KIRREL3: variants seen among roughly 807,000 people sequenced by gnomAD.
KIRREL3 encodes the protein kirre like nephrin family adhesion molecule 3, also known as kin of IRRE-like protein 3.
Under a neutral mutation model 89.7 loss-of-function variants are expected in KIRREL3, and 36 were observed. The ratio of observed to expected loss-of-function variants is 0.40; its 90% CI spans 0.31 to 0.53. The LOEUF (loss-of-function observed/expected upper bound fraction) is 0.53, where lower values mean the gene tolerates loss of function less well. KIRREL3 is among the 20% of genes least tolerant of loss of function. The pLI, the probability that KIRREL3 is intolerant of heterozygous loss-of-function variation, is 0.49. For missense variants in KIRREL3, 864 were observed against 1,056.6 expected (o/e 0.82, Z 2.53); for synonymous variants, 445 against 441.4 (o/e 1.01, Z -0.10).
At chr11:126,494,872 C>T (rs1355678130) in intron 4 of KIRREL3, among the ~76,000 whole-genome samples, 1 of 152,238 alleles carries the variant, frequency 6.6e-6, no homozygotes, top group African/African-American at 2.4e-5. Context: ...CGAGCTCATC[C>T]ATCGGGACCC....
chr11:126,820,687 G>C (rs1415698932), intron 1 of KIRREL3, among the ~76,000 whole-genome samples: 3 of 152,036 alleles, frequency 2.0e-5, no homozygotes, highest in Non-Finnish European at 4.4e-5. Context: ...TGGGAGATAG[G>C]ACAAGGCACA....
chr11:126,524,990 C>G (rs149024109), intron 3 of KIRREL3, among the ~76,000 whole-genome samples: 1 of 152,108 alleles, frequency 6.6e-6, no homozygotes, highest in African/African-American at 2.4e-5. Flanking sequence ...AGAGGCAAAC[C>G]GAGTCAAGCT....
rs1012966150 is a variant in KIRREL3 at position 126,561,344 on chromosome 11, A to T, written c.133+1491T>A. Among the ~76,000 whole-genome samples, 2 of 152,198 alleles carry T rather than the reference A, an allele frequency of 1.3e-5. No homozygotes were observed. Among genetic ancestry groups the T allele is most frequent in the Non-Finnish European group, 2.9e-5 (2 of 68,024 alleles). ...TCCCCTCATCTCCTCAGCCACCCAG[A>T]AGCTGAGGTCAGATATCTGGAGCTA... On this transcript the variant is annotated intron_variant, in intron 2 of 16. Transcript: ENST00000525144. This position sits in a 1 kb window ranked among gnomAD's most constrained non-coding sequence, Gnocchi z 4.5.
intron 1 of KIRREL3, among the ~76,000 whole-genome samples, chr11:126,721,956 C>T (rs767688554): frequency 1.2e-4 from 18 of 152,226 alleles, no homozygotes; most frequent in Non-Finnish European, 2.6e-4. Flanking sequence ...TTTGTGAGTG[C>T]TCTGGTCAGA....
intron 1 of KIRREL3, among the ~76,000 whole-genome samples, chr11:126,986,797 C>G (rs543298813): frequency 6.6e-6 from 1 of 152,338 alleles, no homozygotes; most frequent in South Asian, 2.1e-4. Context: ...AGGCAGCTCC[C>G]ACGAGTCACC....
chr11:126,633,329 C>T (rs769739748), intron 1 of KIRREL3, among the ~76,000 whole-genome samples: 1 of 152,054 alleles, frequency 6.6e-6, no homozygotes, highest in Non-Finnish European at 1.5e-5. Context: ...GTCTGCACAC[C>T]TATCTCATTT....
intron 13 of KIRREL3, among the ~76,000 whole-genome samples, chr11:126,433,580 G>A (rs1162320257): frequency 6.6e-6 from 1 of 152,172 alleles, no homozygotes; most frequent in Non-Finnish European, 1.5e-5. Context: ...GTGGAATGGT[G>A]GACACTTAGG....
intron 1 of KIRREL3, among the ~76,000 whole-genome samples, chr11:126,902,247 G>T (rs974641735): frequency 1.2e-4 from 19 of 152,194 alleles, no homozygotes; most frequent in Admixed American, 9.2e-4. Context: ...ACCCACTGTG[G>T]GAAGGGCTGT....
chr11:126,529,509 G>A (rs1403473695), intron 2 of KIRREL3, among the ~76,000 whole-genome samples: 1 of 151,680 alleles, frequency 6.6e-6, no homozygotes, highest in African/African-American at 2.4e-5. Context: ...GATGCCATCT[G>A]AGCAGGCTTG....
intron 1 of KIRREL3, among the ~76,000 whole-genome samples, chr11:126,824,446 C>T (rs1204047033): frequency 2.0e-5 from 3 of 152,186 alleles, no homozygotes; most frequent in Non-Finnish European, 4.4e-5. Flanking sequence ...AAACAACTCA[C>T]CCAACGTCAC....
At chr11:126,732,068 G>C (rs530212296) in intron 1 of KIRREL3, among the ~76,000 whole-genome samples, 29 of 152,184 alleles carry the variant, frequency 1.9e-4, no homozygotes, top group Non-Finnish European at 2.4e-4. Context: ...TGCCAGGAAT[G>C]GGGGAGGGGT....
intron 1 of KIRREL3, among the ~76,000 whole-genome samples, chr11:126,947,688 G>C (rs986780776): frequency 3.3e-5 from 5 of 152,334 alleles, no homozygotes; most frequent in South Asian, 4.1e-4. Context: ...AGATGGGATG[G>C]GATAGCTGTT....
At chr11:126,800,671 G>A (rs1169036869) in intron 1 of KIRREL3, among the ~76,000 whole-genome samples, 2 of 152,068 alleles carry the variant, frequency 1.3e-5, no homozygotes, top group African/African-American at 2.4e-5. Flanking sequence ...TGAGCTCCAG[G>A]CACCCTTTCA....
At position 126,752,590 on chromosome 11, in the gene KIRREL3, C is replaced by CTA. The variant is rs1172143663; in HGVS notation, c.56-189680_56-189679dup. The stretch of plus-strand genomic sequence containing the variant: ...AAGTTTGGGTACAATTTCTAAGAAT[C>CTA]TATAGTTTAGTGACTCATTGGCACT... On this transcript the variant is annotated intron_variant, in intron 1 of 16. Transcript: ENST00000525144. This position sits in a 1 kb window ranked among gnomAD's most constrained non-coding sequence, Gnocchi z 4.8. Among the ~76,000 whole-genome samples the CTA allele has an allele frequency of 2.0e-5, 3 of 152,118 alleles. No individual in the cohort carries two copies. Among genetic ancestry groups the CTA allele is most frequent in the African/African-American group, 7.2e-5 (3 of 41,426 alleles).
chr11:126,576,995 A>G lies in KIRREL3; in HGVS notation c.56-14083T>C, dbSNP rs552822572. On this transcript the variant is annotated intron_variant, in intron 1 of 16. Transcript: ENST00000525144. The surrounding 1 kb of genome is among the most constrained non-coding windows in gnomAD (Gnocchi z 5.4). ...GAAAACTGAGGCTGAGAGAGGCTCA[A>G]GGGCTCCCATAACTGAAGACCCGTG... 6.6e-6 allele frequency among the ~76,000 whole-genome samples: 1 copy of G among 152,276 alleles called. No individual in the cohort carries two copies. Among genetic ancestry groups the G allele is most frequent in the Non-Finnish European group, 1.5e-5 (1 of 68,020 alleles).
chr11:126,961,145 G>A (rs1300940910), intron 1 of KIRREL3, among the ~76,000 whole-genome samples: 2 of 152,034 alleles, frequency 1.3e-5, no homozygotes, highest in African/African-American at 2.4e-5. Context: ...ATTGAAATTA[G>A]GCCAATTAGC....
chr11:126,846,171 T>C (rs1944135188), intron 1 of KIRREL3, among the ~76,000 whole-genome samples: 1 of 152,204 alleles, frequency 6.6e-6, no homozygotes, highest in Admixed American at 6.5e-5. Flanking sequence ...GATTCCCTTT[T>C]TGGGATTCAG....
chr11:126,870,014 C>A lies in KIRREL3; in HGVS notation c.55+130441G>T, dbSNP rs892193696. 1.3e-5 allele frequency among the ~76,000 whole-genome samples: 2 copies of A among 152,208 alleles called. No homozygotes were observed. The highest frequency in any genetic ancestry group is 2.9e-5 in the Non-Finnish European group (2 of 68,042). ...AATGGTCTCACAAATGTCCTTTCCA[C>A]AATTCATTTCAAATGCCCCTAAACA... On this transcript the variant is annotated intron_variant, in intron 1 of 16. Transcript: ENST00000525144. This position sits in a 1 kb window ranked among gnomAD's most constrained non-coding sequence, Gnocchi z 4.4.
At position 126,704,181 on chromosome 11, in the gene KIRREL3, G is replaced by T. The variant is rs770349518; in HGVS notation, c.56-141269C>A. Among the ~76,000 whole-genome samples the T allele has an allele frequency of 6.6e-6, 1 of 152,170 alleles. No individual in the cohort carries two copies. The highest frequency in any genetic ancestry group is 1.5e-5 in the Non-Finnish European group (1 of 68,016). On this transcript the variant is annotated intron_variant, in intron 1 of 16. Coordinates refer to ENST00000525144, the MANE Select transcript of KIRREL3 (RefSeq NM_032531.4). This position sits in a 1 kb window ranked among gnomAD's most constrained non-coding sequence, Gnocchi z 4.2. ...CAATCTTGCACACACCCACACATTT[G>T]CACATGCCCATCCAGCTGAGCAACA...
Sources: gnomAD v4.1 joint callset for allele counts (sites outside exome capture counted in the v4.1 genomes callset) on GRCh38, gnomAD v4.1.1 for gene constraint, Gnocchi (gnomAD v3.1) non-coding constraint, MANE v1.5 for transcripts, NCBI Gene and HGNC (gene_info 2026-07-23, HGNC 2026-07-21) for gene names.